GRIK4: variants seen among roughly 807,000 people sequenced by gnomAD.
GRIK4 encodes the protein glutamate ionotropic receptor kainate type subunit 4.
Under a neutral mutation model 104.9 loss-of-function variants are expected in GRIK4, and 40 were observed. That is an observed-to-expected ratio of 0.38 (90% CI 0.30 to 0.50). The LOEUF is 0.50. Ranked by LOEUF, GRIK4 falls within the 20% of genes least tolerant of loss-of-function variation. GRIK4 has a pLI of 0.93. For missense variants in GRIK4, 1,047 were observed against 1,308.1 expected (o/e 0.80, Z 3.08); for synonymous variants, 485 against 524.9 (o/e 0.92, Z 1.04).
At chr11:120,644,011 C>CTGTGTGTGTGTGTGTGTGTGTGTG in intron 1 of GRIK4, among the ~76,000 whole-genome samples, 1 of 122,926 alleles carries the variant, frequency 8.1e-6, no homozygotes, top group African/African-American at 3.8e-5. Context: ...GGGAGAGGGT[C>CTGTGTGTGTGTGTGTGTGTGTGTG]TGTGTGTGTG....
rs550063983 is a variant in GRIK4, at chr11:120,675,315, G to A, written c.82+14915G>A. On this transcript the variant is annotated intron_variant, in intron 3 of 20. Coordinates refer to ENST00000527524, the MANE Select transcript of GRIK4 (RefSeq NM_014619.5). ...GTTGGCTTATAGTTGCAGCCTGGGT[G>A]GGACTCCCTTCTGGGTCTGGAGTTC... Among the ~76,000 whole-genome samples, 134 of 152,302 alleles carry A rather than the reference G, an allele frequency of 8.8e-4. 1 individual carries two copies. The highest frequency in any genetic ancestry group is 3.2e-3 in the African/African-American group (131 of 41,570).
intron 18 of GRIK4, 190 bp downstream of exon 18, chr11:120,962,871 G>A (rs2134736346): frequency 3.8e-6 from 2 of 521,938 alleles, no homozygotes; most frequent in South Asian, 3.0e-5. Context: ...TTTAATCAAC[G>A]ACCAGTGCTC....
chr11:120,605,050 G>T (rs1213288965), intron 1 of GRIK4, among the ~76,000 whole-genome samples: 2 of 152,172 alleles, frequency 1.3e-5, no homozygotes, highest in Admixed American at 6.5e-5. Flanking sequence ...TGCCCAGGCT[G>T]GTCTTGAACT....
At chr11:120,900,593 G>A (rs1344569597) in intron 12 of GRIK4, among the ~76,000 whole-genome samples, 1 of 152,160 alleles carries the variant, frequency 6.6e-6, no homozygotes, top group Non-Finnish European at 1.5e-5. Context: ...AAAAGAGCTG[G>A]AGCCGGGAAG....
intron 1 of GRIK4, among the ~76,000 whole-genome samples, chr11:120,588,875 C>T (rs1477104846): frequency 6.6e-6 from 1 of 152,078 alleles, no homozygotes; most frequent in African/African-American, 2.4e-5. Flanking sequence ...AAGGTGTCTC[C>T]AGTTGAGAAC....
rs777111153 is a variant in GRIK4 at position 120,832,015 on chromosome 11, C to T, written c.675C>T (p.His225=). Residue 225 remains histidine (H), a synonymous_variant, in exon 7 of 21, where the codon CAC becomes CAT. Coordinates refer to ENST00000527524, the MANE Select transcript of GRIK4 (RefSeq NM_014619.5). The stretch of plus-strand genomic sequence containing the variant: ...TCCACGCCAACGCCTCCATGTCCCA[C>T]ACCATCCTCCTGAAGGTGGGAGCCT... ...IIIHANASMS[H]TILLKAAELG... 10 of 1,611,758 alleles carry T rather than the reference C, an allele frequency of 6.2e-6. No individual in the cohort carries two copies. The highest frequency in any genetic ancestry group is 2.2e-5 in the East Asian group (1 of 44,828).
intron 12 of GRIK4, among the ~76,000 whole-genome samples, chr11:120,899,463 C>T (rs569657505): frequency 3.7e-4 from 56 of 151,804 alleles, no homozygotes; most frequent in Non-Finnish European, 2.8e-4. Context: ...AGACCATGTG[C>T]CCTTTTTTAT....
intron 4 of GRIK4, among the ~76,000 whole-genome samples, chr11:120,814,923 T>G (rs1471617122): frequency 1.3e-5 from 2 of 152,240 alleles, no homozygotes; most frequent in African/African-American, 2.4e-5. Flanking sequence ...ATCCTCGCCC[T>G]CCTTCATACC....
At chr11:120,963,223 G>A (rs915013124) in intron 18 of GRIK4, among the ~76,000 whole-genome samples, 1 of 152,190 alleles carries the variant, frequency 6.6e-6, no homozygotes, top group Non-Finnish European at 1.5e-5. Flanking sequence ...AGGTCGGTGT[G>A]GGTCATGGAG....
intron 12 of GRIK4, among the ~76,000 whole-genome samples, chr11:120,900,721 C>T (rs1043949344): frequency 3.9e-5 from 6 of 151,968 alleles, no homozygotes; most frequent in African/African-American, 7.3e-5. Flanking sequence ...AAGTAGTTGC[C>T]GGGGGAGGGG....
At position 120,819,914 on chromosome 11, in the gene GRIK4, G is replaced by T. The variant is rs1248414314; in HGVS notation, c.505G>T (p.Ala169Ser). ...CTTACLICAKAECLLNLEKLL... is the reference protein window; with the variant it reads ...CTTACLICAKSECLLNLEKLL... ...CACCGCCTGCCTCATCTGTGCCAAA[G>T]CAGAATGTAAGTTTCCCCAGGCTGG... Residue 169 changes from alanine to serine, a missense_variant, in exon 6 of 21, where the codon GCA becomes TCA. Around this residue, in one of 3 missense-constraint regions of GRIK4, gnomAD observed 447 missense variants for 514.9 expected, o/e 0.87. Transcript: ENST00000527524. The surrounding 1 kb of genome is among the most constrained non-coding windows in gnomAD (Gnocchi z 4.3). The T allele has an allele frequency of 6.2e-6, 10 of 1,613,700 alleles. No homozygotes were observed. The highest frequency in any genetic ancestry group is 3.3e-5 in the Admixed American group (2 of 60,004).
Position 120,952,750 on chromosome 11 carries a change from TG to T in GRIK4, c.1591-101del. ...ACCCAGAACCCACAGAAATGGGAAC[TG>T]GGGCCAGACCCACACTCACTACCTC... On this transcript the variant is annotated intron_variant, in intron 14 of 20. Coordinates refer to ENST00000527524, the MANE Select transcript of GRIK4 (RefSeq NM_014619.5). This position sits in a 1 kb window ranked among gnomAD's most constrained non-coding sequence, Gnocchi z 5.2. 1.3e-6 allele frequency: 1 copy of T among 791,222 alleles called. No homozygotes were observed. Among genetic ancestry groups the T allele is most frequent in the Non-Finnish European group, 2.3e-6 (1 of 440,418 alleles). The allele number at this position is 791,222 out of a possible 1,614,324, so 49.0% of individuals were successfully genotyped here. A position where few individuals can be genotyped will look rare whatever the true frequency, so the allele number is the denominator to read the frequency against.
At chr11:120,957,055 C>T (rs1310380709) in intron 16 of GRIK4, 102 bp downstream of exon 16, 11 of 1,029,652 alleles carry the variant, frequency 1.1e-5, no homozygotes, top group Non-Finnish European at 1.4e-5. Flanking sequence ...GAGCCTCTGC[C>T]TCTTACAGCA....
At chr11:120,838,937 C>A (rs1953650031) in intron 8 of GRIK4, among the ~76,000 whole-genome samples, 1 of 152,180 alleles carries the variant, frequency 6.6e-6, no homozygotes, top group Non-Finnish European at 1.5e-5. Context: ...CAGGCACACG[C>A]CACCATGCCT....
intron 4 of GRIK4, among the ~76,000 whole-genome samples, chr11:120,809,346 C>G (rs931394362): frequency 2.6e-5 from 4 of 152,232 alleles, no homozygotes; most frequent in African/African-American, 9.6e-5. Context: ...AAACGCATCT[C>G]CCTCCCTTCC....
At chr11:120,847,387 G>A (rs1179107890) in intron 8 of GRIK4, among the ~76,000 whole-genome samples, 3 of 152,224 alleles carry the variant, frequency 2.0e-5, no homozygotes, top group Non-Finnish European at 4.4e-5. Context: ...TCATAAATCA[G>A]TGGGTTCAAT....
At chr11:120,656,316 C>T (rs1949709257) in intron 2 of GRIK4, among the ~76,000 whole-genome samples, 3 of 152,186 alleles carry the variant, frequency 2.0e-5, no homozygotes, top group African/African-American at 7.2e-5. Flanking sequence ...GACAGTTATG[C>T]GACCTTCAGC....
At chr11:120,886,748 T>G (rs1955129230) in intron 11 of GRIK4, among the ~76,000 whole-genome samples, 1 of 152,204 alleles carries the variant, frequency 6.6e-6, no homozygotes, top group African/African-American at 2.4e-5. Context: ...AGCTGAAGTT[T>G]TCCTACAGTG....
At chr11:120,562,973 C>G (rs1436022061) in intron 1 of GRIK4, among the ~76,000 whole-genome samples, 1 of 152,170 alleles carries the variant, frequency 6.6e-6, no homozygotes, top group African/African-American at 2.4e-5. Context: ...TCTGCGGAAG[C>G]ATGACGTCCA....
Sources: gnomAD v4.1 joint callset for allele counts (sites outside exome capture counted in the v4.1 genomes callset) on GRCh38, gnomAD v4.1.1 for gene constraint, gnomAD v4.1.1 regional missense constraint, Gnocchi (gnomAD v3.1) non-coding constraint, MANE v1.5 for transcripts, NCBI Gene and HGNC (gene_info 2026-07-23, HGNC 2026-07-21) for gene names.